CACNA1H: variants seen among roughly 807,000 people sequenced by gnomAD.
CACNA1H encodes the protein calcium voltage-gated channel subunit alpha1 H, also known as voltage-dependent T-type calcium channel subunit alpha-1H.
In CACNA1H, 149 loss-of-function variants were observed where a neutral mutation model predicts 192.5. That is an observed-to-expected ratio of 0.77 (90% confidence interval 0.68 to 0.89). CACNA1H has a LOEUF of 0.89. Ranked by LOEUF, CACNA1H falls within the 40% of genes least tolerant of loss-of-function variation. The pLI is 0.00. For synonymous variants in CACNA1H, 2,202 were observed against 1,475.2 expected (o/e 1.49, Z -11.29); for missense variants, 4,257 against 3,423.5 (o/e 1.24, Z -6.08).
At position 1,182,211 on chromosome 16, in the gene CACNA1H, G is replaced by A. The variant is rs947209271; in HGVS notation, c.300-12761G>A. ...GGTGGCAGGTGGGAGGCTCTGCGGGGTGGAGGAGGCGGGCCTCAGCCCACC... is the reference window on the plus strand; with the variant it reads ...GGTGGCAGGTGGGAGGCTCTGCGGGATGGAGGAGGCGGGCCTCAGCCCACC... On this transcript the variant is annotated intron_variant, in intron 2 of 34. Coordinates refer to ENST00000348261, the MANE Select transcript of CACNA1H (RefSeq NM_021098.3). Among the ~76,000 whole-genome samples the A allele has an allele frequency of 4.7e-4, 71 of 152,220 alleles. 1 individual carries two copies. Among genetic ancestry groups the A allele is most frequent in the Non-Finnish European group, 4.0e-4 (27 of 68,028 alleles).
At chr16:1,179,360 GC>G (rs1293019933) in intron 2 of CACNA1H, among the ~76,000 whole-genome samples, 5 of 151,980 alleles carry the variant, frequency 3.3e-5, no homozygotes, top group African/African-American at 9.7e-5. Context: ...GGGATTGGGG[GC>G]CCCCCCATGG....
chr16:1,215,637 C>G, intron 30 of CACNA1H, 44 bp downstream of exon 30: 1 of 1,557,850 alleles, frequency 6.4e-7, no homozygotes, highest in Non-Finnish European at 8.8e-7. Context: ...CCCCGGAAGA[C>G]GGGGTTGCAG....
intron 2 of CACNA1H, among the ~76,000 whole-genome samples, chr16:1,175,949 C>A (rs1277473211): frequency 6.6e-6 from 1 of 152,206 alleles, no homozygotes; most frequent in Non-Finnish European, 1.5e-5. Context: ...GACCCCAGTT[C>A]CTCCGTCTGG....
chr16:1,218,998 C>T lies in CACNA1H; in HGVS notation c.5916C>T (p.Pro1972=), dbSNP rs979429805. 5.8e-6 allele frequency: 9 copies of T among 1,550,182 alleles called. No homozygotes were observed. Among genetic ancestry groups the T allele is most frequent in the East Asian group, 2.4e-5 (1 of 40,918 alleles). ...LGSVASVHSP[P]AESCASLQIP... Reference sequence around the variant, plus strand: ...CCGTTGCCTCTGTGCACTCTCCGCCCGCAGAGTCCTGTGCCTCCCTCCAGA... The same window carrying T: ...CCGTTGCCTCTGTGCACTCTCCGCCTGCAGAGTCCTGTGCCTCCCTCCAGA... Residue 1972 remains proline (P), a synonymous_variant, in exon 34 of 35, where the codon CCC becomes CCT. Transcript: ENST00000348261.
chr16:1,218,267 C>T lies in CACNA1H; in HGVS notation c.5503C>T (p.Leu1835=), dbSNP rs1314382181. The T allele has an allele frequency of 1.9e-6, 3 of 1,551,674 alleles. No individual in the cohort carries two copies. ...DKHCLSYLPA[L]SPVYFVTFVL... ...GCACTGCCTGAGCTACCTGCCGGCC[C>T]TGTCGCCCGTCTACTTCGTGACCTT... The change falls in exon 33 of 35, where the codon CTG becomes TTG. Residue 1835 remains leucine (L), a synonymous_variant. Coordinates refer to ENST00000348261, the MANE Select transcript of CACNA1H (RefSeq NM_021098.3).
At position 1,217,000 on chromosome 16, in the gene CACNA1H, C is replaced by T. The variant is rs372640825; in HGVS notation, c.5313C>T (p.Phe1771=). The change falls in exon 31 of 35, where the codon TTC becomes TTT. Residue 1771 remains phenylalanine, a synonymous_variant. Coordinates refer to ENST00000348261, the MANE Select transcript of CACNA1H (RefSeq NM_021098.3). ...ATGCTGCGCTGGGAGTGGAGCTGTT[C>T]GGGAGGCTGGGTGAGTGGCTCCTGC... ...FIYAALGVEL[F]GRLECSEDNP... is the part of the protein sequence containing the mutation. The T allele has an allele frequency of 2.4e-5, 39 of 1,594,102 alleles. No homozygotes were observed. The highest frequency in any genetic ancestry group is 1.4e-4 in the Admixed American group (8 of 56,800).
chr16:1,163,327 C>T (rs778019344), intron 2 of CACNA1H, among the ~76,000 whole-genome samples: 2 of 152,198 alleles, frequency 1.3e-5, no homozygotes, highest in South Asian at 2.1e-4. Flanking sequence ...CCTGGGAGGC[C>T]GGCGCCGGGG....
In CACNA1H at chr16:1,180,792, A is replaced by G. The variant is rs1437599967; in HGVS notation, c.300-14180A>G. 6.6e-6 allele frequency among the ~76,000 whole-genome samples: 1 copy of G among 152,066 alleles called. No individual in the cohort carries two copies. Among genetic ancestry groups the G allele is most frequent in the Admixed American group, 6.5e-5 (1 of 15,282 alleles). ...CCACAGGGAGGCCCCTTAGGTGAAG[A>G]GGACCAGAGTGAGGTCAGCCCTGGT... On this transcript the variant is annotated intron_variant, in intron 2 of 34. Transcript: ENST00000348261. The surrounding 1 kb of genome is among the most constrained non-coding windows in gnomAD (Gnocchi z 4.4).
chr16:1,190,393 C>T (rs1966496604), intron 2 of CACNA1H, among the ~76,000 whole-genome samples: 1 of 152,258 alleles, frequency 6.6e-6, no homozygotes, highest in African/African-American at 2.4e-5. Context: ...CTGTCCTCAG[C>T]TGCCCACAGA....
intron 26 of CACNA1H, among the ~76,000 whole-genome samples, 153 bp from the exon 27 acceptor site, chr16:1,213,627 T>G (rs1167078908): frequency 6.6e-6 from 1 of 151,838 alleles, no homozygotes; most frequent in African/African-American, 2.4e-5. Context: ...ATGTGAGCCC[T>G]GCCATGAGGC....
In CACNA1H at chr16:1,195,646, A is replaced by G. The variant is rs564878042; in HGVS notation, c.545+81A>G. 1.4e-4 allele frequency: 200 copies of G among 1,458,830 alleles called. No individual in the cohort carries two copies. The African/African-American group carries it at 2.2e-3, about 16-fold the overall frequency. The allele number at this position is 1,458,830 out of a possible 1,614,324, so 90.4% of individuals were successfully genotyped here. A position where few individuals can be genotyped will look rare whatever the true frequency, so the allele number is the denominator to read the frequency against. On this transcript the variant is annotated intron_variant, in intron 4 of 34. Coordinates refer to ENST00000348261, the MANE Select transcript of CACNA1H (RefSeq NM_021098.3). The stretch of plus-strand genomic sequence containing the variant: ...CAGGGATCCCTGTGTCCCACCTGTA[A>G]AGAAAAATGGGAGGTGTGTTCTAGA...
rs1006496683 is a variant in CACNA1H at position 1,211,713 on chromosome 16, C to T, written c.4477-3C>T. The stretch of plus-strand genomic sequence containing the variant: ...CGCCAGTGACCCTGGCTCTGGCCCT[C>T]AGGCCCTGATGTCGCTGTTCGTGCT... On this transcript the variant is annotated splice_polypyrimidine_tract_variant and splice_region_variant and intron_variant, in intron 23 of 34. Coordinates refer to ENST00000348261, the MANE Select transcript of CACNA1H (RefSeq NM_021098.3). 3.7e-6 allele frequency: 6 copies of T among 1,612,396 alleles called. No individual in the cohort carries two copies. In the African/African-American group the frequency reaches 8.0e-5, roughly 22 times the overall value.
At chr16:1,207,552 T>C (rs1222134545) in intron 14 of CACNA1H, 122 bp downstream of exon 14, 2 of 1,184,544 alleles carry the variant, frequency 1.7e-6, no homozygotes, top group African/African-American at 1.5e-5. Flanking sequence ...GGAAGCTGGC[T>C]GCCATGAGGA....
chr16:1,164,725 C>A (rs1963581695), intron 2 of CACNA1H, among the ~76,000 whole-genome samples: 1 of 152,160 alleles, frequency 6.6e-6, no homozygotes, highest in Non-Finnish European at 1.5e-5. Context: ...GCCCTCAAGC[C>A]CCGCAGAGGG....
Position 1,221,095 on chromosome 16 carries a change from C to T in CACNA1H, c.*101C>T, listed in dbSNP as rs2745138. 111,578 of 917,046 alleles carry T rather than the reference C, an allele frequency of 0.12. 7,931 individuals are homozygous for T. Among genetic ancestry groups the T allele is most frequent in the South Asian group, 0.23 (12,638 of 54,296 alleles). 56.8% of individuals were successfully genotyped at this position (917,046 alleles called of 1,614,324 possible). ...CCTGCATGGACCCTGACTTGGGTCCCGTCGTGAGCAGAAAGGCCCGGGGAG... is the reference window on the plus strand; with the variant it reads ...CCTGCATGGACCCTGACTTGGGTCCTGTCGTGAGCAGAAAGGCCCGGGGAG... On this transcript the variant is annotated 3_prime_UTR_variant, in exon 35 of 35. Coordinates refer to ENST00000348261, the MANE Select transcript of CACNA1H (RefSeq NM_021098.3).
At chr16:1,193,186 C>A (rs765668643) in intron 2 of CACNA1H, among the ~76,000 whole-genome samples, 1 of 152,196 alleles carries the variant, frequency 6.6e-6, no homozygotes, top group South Asian at 2.1e-4. Flanking sequence ...CCAAGAAAAC[C>A]CCTCCCCTCG....
intron 2 of CACNA1H, among the ~76,000 whole-genome samples, chr16:1,169,551 C>T (rs1196996644): frequency 6.6e-6 from 1 of 151,908 alleles, no homozygotes; most frequent in African/African-American, 2.4e-5. Flanking sequence ...CAAGCTCCAG[C>T]CTCTCCCACC....
rs763095454 is a variant in CACNA1H at position 1,215,336 on chromosome 16, A to G, written c.5134A>G (p.Thr1712Ala). The change falls in exon 29 of 35, where the codon ACC becomes GCC. Residue 1712 changes from threonine (T) to alanine (A), a missense_variant. Transcript: ENST00000348261. ...GAGCGCCGCGCTGCCCATCAACCCC[A>G]CCATCATCCGCATCATGCGCGTGCT... ...EMSAALPINP[T>A]IIRIMRVLRI... 1.9e-6 allele frequency: 3 copies of G among 1,610,490 alleles called. No homozygotes were observed. Among genetic ancestry groups the G allele is most frequent in the Non-Finnish European group, 2.5e-6 (3 of 1,178,990 alleles).
intron 3 of CACNA1H, 85 bp from the exon 4 acceptor site, chr16:1,195,347 G>C: frequency 6.6e-7 from 1 of 1,524,862 alleles, no homozygotes; most frequent in Non-Finnish European, 8.8e-7. Flanking sequence ...GCAAGACTGG[G>C]GGCCGGGCTC....
Sources: allele counts gnomAD v4.1 joint callset (sites outside exome capture counted in the v4.1 genomes callset), GRCh38; gene constraint gnomAD v4.1.1; non-coding constraint Gnocchi (gnomAD v3.1); transcripts MANE v1.5; gene names NCBI Gene and HGNC (gene_info 2026-07-23, HGNC 2026-07-21).